HEXA: variants seen among roughly 807,000 people sequenced by gnomAD.
The protein encoded by HEXA is hexosaminidase subunit alpha, also known as beta-hexosaminidase subunit alpha.
HEXA carries 54 observed loss-of-function variants against 73.3 expected under a neutral mutation model. The observed-to-expected ratio is 0.74, with a 90% CI of 0.59 to 0.92. The LOEUF (loss-of-function observed/expected upper bound fraction) is 0.92, where lower values mean the gene tolerates loss of function less well. Ranked by LOEUF, HEXA falls within the 40% of genes least tolerant of loss-of-function variation. The pLI, the probability that HEXA is intolerant of heterozygous loss-of-function variation, is 0.00. For missense variants in HEXA, 649 were observed against 653.0 expected (o/e 0.99, Z 0.07); for synonymous variants, 230 against 246.9 (o/e 0.93, Z 0.64).
At chr15:72,368,076 C>A (rs2088941237) in intron 1 of HEXA, among the ~76,000 whole-genome samples, 1 of 152,080 alleles carries the variant, frequency 6.6e-6, no homozygotes, top group Admixed American at 6.6e-5. Flanking sequence ...GTACTATTGA[C>A]AATTAAAGTT....
At chr15:72,355,465 G>A (rs1267680557) in intron 3 of HEXA, 94 bp downstream of exon 3, 1 of 860,410 alleles carries the variant, frequency 1.2e-6, no homozygotes, top group Non-Finnish European at 2.0e-6. Context: ...GGCAGAGGTT[G>A]CAGTGAGCAG....
chr15:72,352,916 G>A (rs1457247585), intron 5 of HEXA, 152 bp downstream of exon 5: 17 of 644,544 alleles, frequency 2.6e-5, no homozygotes, highest in Non-Finnish European at 2.9e-5. Flanking sequence ...CGCCCACCTC[G>A]GCCTCCCAAA....
chr15:72,369,360 C>A (rs1330934275), intron 1 of HEXA, among the ~76,000 whole-genome samples: 1 of 152,242 alleles, frequency 6.6e-6, no homozygotes, highest in Non-Finnish European at 1.5e-5. Context: ...ACAGACCCAA[C>A]CTCCTTTCTT....
chr15:72,352,664 ATT>A (rs1555473007), intron 5 of HEXA, among the ~76,000 whole-genome samples: 39 of 42,938 alleles, frequency 9.1e-4, no homozygotes, highest in African/African-American at 1.1e-3. Context: ...ATTACATACA[ATT>A]TTTTTTTTTT....
chr15:72,345,832 G>C (rs547179591), intron 12 of HEXA: 94 of 539,970 alleles, frequency 1.7e-4, no homozygotes, highest in African/African-American at 9.5e-4. Context: ...CACAATGACA[G>C]TGGCAGCAGC....
rs1567300729 is a variant in HEXA, at chr15:72,356,533, A to T, written c.338T>A (p.Val113Glu). The T allele has an allele frequency of 1.9e-6, 3 of 1,614,044 alleles. No homozygotes were observed. The highest frequency in any genetic ancestry group is 2.5e-6 in the Non-Finnish European group (3 of 1,179,946). The part of the protein sequence containing the change: ...GCNQLPTLES[V>E]ENYTLTINDD... ...AACAGGATGGTACTTACAATTCTCC[A>T]CTGACTCCAAAGTAGGAAGCTGGTT... Residue 113 changes from valine (V) to glutamate (E), a missense_variant, in exon 2 of 14, where the codon GTG becomes GAG. Physicochemically the swap from Val to Glu is moderately radical, Grantham distance 121. Transcript: ENST00000268097.
Position 72,375,999 on chromosome 15 carries a change from G to C in HEXA, c.-27C>G. The C allele has an allele frequency of 6.2e-7, 1 of 1,609,910 alleles. No homozygotes were observed. The highest frequency in any genetic ancestry group is 8.5e-7 in the Non-Finnish European group (1 of 1,179,938). Reference sequence around the variant, plus strand: ...GCCCGCTGGTCTCCCCTCTCGGAGGGGGCTGGCCACGTGAGACCCTGGTCA... The same window carrying C: ...GCCCGCTGGTCTCCCCTCTCGGAGGCGGCTGGCCACGTGAGACCCTGGTCA... On this transcript the variant is annotated 5_prime_UTR_variant, in exon 1 of 14. Transcript: ENST00000268097.
intron 1 of HEXA, among the ~76,000 whole-genome samples, chr15:72,366,947 T>C (rs983707834): frequency 6.6e-6 from 1 of 152,062 alleles, no homozygotes; most frequent in African/African-American, 2.4e-5. Context: ...TGTTTTTTTT[T>C]TGTTTTGTTT....
At chr15:72,349,281 T>C (rs2088664405) in intron 7 of HEXA, 22 bp from the exon 8 acceptor site, 2 of 1,600,620 alleles carry the variant, frequency 1.2e-6, no homozygotes, top group Non-Finnish European at 1.7e-6. Context: ...GAAAACCCCA[T>C]ATGAGTGTCA....
In HEXA at chr15:72,375,814, G is replaced by A. The variant is rs2140344589; in HGVS notation, c.159C>T (p.Ala53=). ...NFQFQYDVSS[A]AQPGCSVLDE... ...CGAGGACTGAGCAGCCGGGCTGCGC[G>A]GCCGAGCTGACATCGTACTGGAATT... The change falls in exon 1 of 14, where the codon GCC becomes GCT. Residue 53 remains alanine (A), a synonymous_variant. Transcript: ENST00000268097. The A allele has an allele frequency of 6.2e-7, 1 of 1,614,242 alleles. No individual in the cohort carries two copies. Among genetic ancestry groups the A allele is most frequent in the Non-Finnish European group, 8.5e-7 (1 of 1,180,038 alleles).
At chr15:72,365,567 C>T (rs970237877) in intron 1 of HEXA, among the ~76,000 whole-genome samples, 81 of 152,270 alleles carry the variant, frequency 5.3e-4, no homozygotes, top group African/African-American at 1.9e-3. Context: ...CTTAGAAAGG[C>T]CTCCTCTACC....
chr15:72,356,596 T>C lies in HEXA; in HGVS notation c.275A>G (p.Lys92Arg), dbSNP rs1208872523. ...YLTGKRHTLE[K>R]NVLVVSVVTP... ...GACTACAGAGACAACCAACACATTC[T>C]TCTCCAGTGTATGCCGTTTCCCTAG... Residue 92 changes from lysine to arginine, a missense_variant, in exon 2 of 14, where the codon AAG becomes AGG. Physicochemically the swap from Lys to Arg is conservative, Grantham distance 26 (BLOSUM62 2). Transcript: ENST00000268097. The C allele has an allele frequency of 5.6e-6, 9 of 1,614,026 alleles. No individual in the cohort carries two copies. Among genetic ancestry groups the C allele is most frequent in the Non-Finnish European group, 7.6e-6 (9 of 1,180,010 alleles).
rs1438538509 is a variant in HEXA at position 72,343,866 on chromosome 15, T to A, written c.*211A>T. On this transcript the variant is annotated 3_prime_UTR_variant, in exon 14 of 14. Transcript: ENST00000268097. ...CTAACGCCATTCACACTTTTTTTTT[T>A]AAACACAGGTAATCCATGTTTATTA... is the stretch of plus-strand genomic sequence containing the variant. 10 of 521,944 alleles carry A rather than the reference T, an allele frequency of 1.9e-5. No homozygotes were observed. The highest frequency in any genetic ancestry group is 1.0e-4 in the East Asian group (3 of 28,932). The allele number at this position is 521,944 out of a possible 1,614,324, so 32.3% of individuals were successfully genotyped here.
rs370312523 is a variant in HEXA, at chr15:72,376,010, G to T, written c.-38C>A. On this transcript the variant is annotated 5_prime_UTR_variant, in exon 1 of 14. Transcript: ENST00000268097. ...TCCCCTCTCGGAGGGGGCTGGCCAC[G>T]TGAGACCCTGGTCAGGTGAGCGGCG... The T allele has an allele frequency of 1.2e-5, 20 of 1,607,230 alleles. No homozygotes were observed. Among genetic ancestry groups the T allele is most frequent in the Middle Eastern group, 1.8e-4 (1 of 5,462 alleles).
intron 8 of HEXA, 92 bp from the exon 9 acceptor site, chr15:72,348,226 T>C: frequency 1.2e-6 from 1 of 841,492 alleles, no homozygotes; most frequent in African/African-American, 1.6e-5. Flanking sequence ...TAACTTCCTC[T>C]TTTCACCTGA....
In HEXA at chr15:72,353,082, T is replaced by C. The variant is rs2088722134; in HGVS notation, c.556A>G (p.Ile186Val). The C allele has an allele frequency of 6.2e-7, 1 of 1,609,372 alleles. No homozygotes were observed. ...GGCCTGGTTACCAGAGTGTCCAGGA[T>C]GCTAGAGAGTGGCAGGTAATGGCGA... The part of the protein sequence containing the change: ...TSRHYLPLSS[I>V]LDTLDVMAYN... The change falls in exon 5 of 14, where the codon ATC becomes GTC. Residue 186 changes from isoleucine (I) to valine (V), a missense_variant. Transcript: ENST00000268097.
intron 12 of HEXA, 42 bp from the exon 13 acceptor site, chr15:72,345,592 C>T (rs1480465936): frequency 6.2e-7 from 1 of 1,611,096 alleles, no homozygotes; most frequent in Non-Finnish European, 8.5e-7. Flanking sequence ...CCCTGTATTC[C>T]CTGCAAAGGT....
chr15:72,350,436 G>A (rs934133896), intron 7 of HEXA, 82 bp downstream of exon 7: 4 of 1,440,046 alleles, frequency 2.8e-6, no homozygotes, highest in African/African-American at 2.8e-5. Flanking sequence ...GCTGGGATAT[G>A]CCACTTCCAT....
rs1464696678 is a variant in HEXA at position 72,346,581 on chromosome 15, A to C, written c.1276T>G (p.Ser426Ala). The C allele has an allele frequency of 5.6e-6, 9 of 1,613,930 alleles. No homozygotes were observed. The highest frequency in any genetic ancestry group is 5.0e-5 in the Admixed American group (3 of 59,994). The change falls in exon 11 of 14, where the codon TCC (serine) becomes GCC (alanine). Residue 426 changes from serine (S) to alanine (A), a missense_variant. By Grantham distance (99) the Ser-to-Ala change is moderately conservative. Coordinates refer to ENST00000268097, the MANE Select transcript of HEXA (RefSeq NM_000520.6). ...LSAPWYLNRI[S>A]YGPDWKDFYI... ...AAATCCTTCCAGTCAGGGCCATAGG[A>C]TATACGGTTCAGGTACCAGGGGGCA...
Sources: gnomAD v4.1 joint callset for allele counts (sites outside exome capture counted in the v4.1 genomes callset) on GRCh38, gnomAD v4.1.1 for gene constraint, MANE v1.5 for transcripts, NCBI Gene and HGNC (gene_info 2026-07-23, HGNC 2026-07-21) for gene names.